Variants in PTGER1 observed in about 807,000 individuals in gnomAD.
PTGER1 encodes prostaglandin E2 receptor EP1 subtype.
PTGER1 carries 15 observed loss-of-function variants against 18.5 expected under a neutral mutation model. The ratio of observed to expected loss-of-function variants is 0.81; its 90% CI spans 0.54 to 1.25. The LOEUF is 1.25. Among genes scored for constraint, PTGER1 ranks in the 50% most tolerant of loss-of-function variants. The pLI is 0.00. For missense variants in PTGER1, 567 were observed against 603.4 expected (o/e 0.94, Z 0.63); for synonymous variants, 339 against 308.4 (o/e 1.10, Z -1.04).
rs373218662 is a variant in PTGER1 at position 14,472,611 on chromosome 19, C to G, written c.1158G>C (p.Trp386Cys). The G allele has an allele frequency of 8.7e-6, 14 of 1,601,690 alleles. No individual in the cohort carries two copies. Among genetic ancestry groups the G allele is most frequent in the South Asian group, 2.2e-5 (2 of 90,374 alleles). The change falls in exon 3 of 3, where the codon TGG becomes TGC. Residue 386 changes from tryptophan to cysteine, a missense_variant. Physicochemically the swap from Trp to Cys is radical, Grantham distance 215. Coordinates refer to ENST00000292513, the MANE Select transcript of PTGER1 (RefSeq NM_000955.3). ...PAGLGLTPSA[W>C]EASSLRSSRH... is the part of the protein sequence containing the mutation. ...GGGAGCTGCGCAGCGAGCTGGCCTC[C>G]CAGGCGCTCGGTGTTAGGCCCAGCC...
At position 14,474,275 on chromosome 19, in the gene PTGER1, T is replaced by C. The variant is rs1269537259; in HGVS notation, c.46A>G (p.Thr16Ala). The change falls in exon 2 of 3, where the codon ACC (threonine) becomes GCC (alanine). Residue 16 changes from threonine to alanine, a missense_variant. Physicochemically the swap from Thr to Ala is moderately conservative, Grantham distance 58 (BLOSUM62 0). Transcript: ENST00000292513. The surrounding 1 kb of genome is among the most constrained non-coding windows in gnomAD (Gnocchi z 5.4). ...GGGACCCAGGGCGCCGCGCATGTGG[T>C]CGCCTCGCCCGCCAGGCTCAGGTTG... ...PLNLSLAGEA[T>A]TCAAPWVPNT... The C allele has an allele frequency of 2.8e-5, 43 of 1,530,928 alleles. No homozygotes were observed. In the East Asian group the frequency reaches 1.0e-3, roughly 37 times the overall value. The allele number at this position is 1,530,928 out of a possible 1,614,324, so 94.8% of individuals were successfully genotyped here.
In PTGER1 at chr19:14,474,116, AGCG is replaced by A; in HGVS notation, c.202_204del (p.Arg68del). On this transcript the variant is annotated inframe_deletion, in exon 2 of 3. Transcript: ENST00000292513. This position sits in a 1 kb window ranked among gnomAD's most constrained non-coding sequence, Gnocchi z 5.4. ...ACGAACAGCAGGAAGGTGGCGGCCG[AGCG>A]GCGGCGTCGCAGGCGGCCCGCGGCC... 1 of 1,437,598 alleles carries A rather than the reference AGCG, an allele frequency of 7.0e-7. No homozygotes were observed. Among genetic ancestry groups the A allele is most frequent in the South Asian group, 1.4e-5 (1 of 73,474 alleles). The allele number at this position is 1,437,598 out of a possible 1,614,324, so 89.1% of individuals were successfully genotyped here. A position where few individuals can be genotyped will look rare whatever the true frequency, so the allele number is the denominator to read the frequency against.
At chr19:14,472,895 G>T in intron 2 of PTGER1, 69 bp from the exon 3 acceptor site, 1 of 1,446,694 alleles carries the variant, frequency 6.9e-7, no homozygotes, top group Non-Finnish European at 9.2e-7. Flanking sequence ...TGGTGGGGGC[G>T]TGGCTGGAAG....
Position 14,474,760 on chromosome 19 carries a change from C to A in PTGER1, c.-17-423G>T, listed in dbSNP as rs191001718. On this transcript the variant is annotated intron_variant, in intron 1 of 2. Transcript: ENST00000292513. This position sits in a 1 kb window ranked among gnomAD's most constrained non-coding sequence, Gnocchi z 5.4. ...CACTGTGGCCCTACCTGACTTTCCC[C>A]ATGTCAGCTTTACTCCAGTCCCATC... 3.2e-4 allele frequency among the ~76,000 whole-genome samples: 49 copies of A among 152,280 alleles called. No homozygotes were observed. Among genetic ancestry groups the A allele is most frequent in the South Asian group, 2.3e-3 (11 of 4,828 alleles).
Position 14,474,252 on chromosome 19 carries a change from G to C in PTGER1, c.69C>G (p.Val23=). ...GEATTCAAPW[V]PNTSAVPPSG... is the part of the protein sequence containing the mutation. Reference sequence around the variant, plus strand: ...ACGGCGGCACGGCCGACGTGTTGGGGACCCAGGGCGCCGCGCATGTGGTCG... The same window carrying C: ...ACGGCGGCACGGCCGACGTGTTGGGCACCCAGGGCGCCGCGCATGTGGTCG... Residue 23 remains valine (V), a synonymous_variant, in exon 2 of 3, where the codon GTC becomes GTG. Coordinates refer to ENST00000292513, the MANE Select transcript of PTGER1 (RefSeq NM_000955.3). This position sits in a 1 kb window ranked among gnomAD's most constrained non-coding sequence, Gnocchi z 5.4. The C allele has an allele frequency of 6.5e-7, 1 of 1,530,486 alleles. No individual in the cohort carries two copies. Among genetic ancestry groups the C allele is most frequent in the Non-Finnish European group, 8.7e-7 (1 of 1,144,622 alleles). The allele number at this position is 1,530,486 out of a possible 1,614,324, so 94.8% of individuals were successfully genotyped here.
chr19:14,474,092 C>T lies in PTGER1; in HGVS notation c.229G>A (p.Val77Met). Reference sequence around the variant, plus strand: ...AGGTCGGTGGCCAGCAGGCTGGCCACGAACAGCAGGAAGGTGGCGGCCGAG... The same window carrying T: ...AGGTCGGTGGCCAGCAGGCTGGCCATGAACAGCAGGAAGGTGGCGGCCGAG... ...RRSAATFLLF[V>M]ASLLATDLAG... Residue 77 changes from valine (V) to methionine (M), a missense_variant, in exon 2 of 3, where the codon GTG (valine) becomes ATG (methionine). Transcript: ENST00000292513. The surrounding 1 kb of genome is among the most constrained non-coding windows in gnomAD (Gnocchi z 5.4). The T allele has an allele frequency of 6.7e-7, 1 of 1,486,886 alleles. No individual in the cohort carries two copies. Among genetic ancestry groups the T allele is most frequent in the Non-Finnish European group, 8.9e-7 (1 of 1,124,318 alleles). 92.1% of individuals were successfully genotyped at this position (1,486,886 alleles called of 1,614,324 possible). A position where few individuals can be genotyped will look rare whatever the true frequency, so the allele number is the denominator to read the frequency against.
rs2071574771 is a variant in PTGER1, at chr19:14,472,509, C to T, written c.*51G>A. The T allele has an allele frequency of 6.7e-7, 1 of 1,491,678 alleles. No individual in the cohort carries two copies. Among genetic ancestry groups the T allele is most frequent in the African/African-American group, 1.4e-5 (1 of 70,946 alleles). The allele number at this position is 1,491,678 out of a possible 1,614,324, so 92.4% of individuals were successfully genotyped here. A position where few individuals can be genotyped will look rare whatever the true frequency, so the allele number is the denominator to read the frequency against. On this transcript the variant is annotated 3_prime_UTR_variant, in exon 3 of 3. Transcript: ENST00000292513. The stretch of plus-strand genomic sequence containing the variant: ...TTCCCAAAGGCTCTGCGCCGCGCAC[C>T]TGGGCCCAGCCCAGGGTGGGCTGGC...
Position 14,472,660 on chromosome 19 carries a change from G to T in PTGER1, c.1109C>A (p.Ala370Asp). The T allele has an allele frequency of 6.2e-7, 1 of 1,609,664 alleles. No homozygotes were observed. ...CCCCGCGGGGCCGCCCTTGGCTCCG[G>T]CCCTCGGGGGCAAGAGGCGAAGCAG... ...RQLLRLLPPR[A>D]GAKGGPAGLG... Residue 370 changes from alanine (A) to aspartate (D), a missense_variant, in exon 3 of 3, where the codon GCC becomes GAC. Physicochemically the swap from Ala to Asp is moderately radical, Grantham distance 126. Coordinates refer to ENST00000292513, the MANE Select transcript of PTGER1 (RefSeq NM_000955.3).
chr19:14,474,273 G>T lies in PTGER1; in HGVS notation c.48C>A (p.Thr16=). Residue 16 remains threonine, a synonymous_variant, in exon 2 of 3, where the codon ACC becomes ACA. Coordinates refer to ENST00000292513, the MANE Select transcript of PTGER1 (RefSeq NM_000955.3). This position sits in a 1 kb window ranked among gnomAD's most constrained non-coding sequence, Gnocchi z 5.4. ...TGGGGACCCAGGGCGCCGCGCATGTGGTCGCCTCGCCCGCCAGGCTCAGGT... is the reference window on the plus strand; with the variant it reads ...TGGGGACCCAGGGCGCCGCGCATGTTGTCGCCTCGCCCGCCAGGCTCAGGT... ...PLNLSLAGEA[T]TCAAPWVPNT... 6.5e-7 allele frequency: 1 copy of T among 1,531,322 alleles called. No individual in the cohort carries two copies. The highest frequency in any genetic ancestry group is 1.2e-5 in the South Asian group (1 of 83,864). 94.9% of individuals were successfully genotyped at this position (1,531,322 alleles called of 1,614,324 possible).
rs766389049 is a variant in PTGER1 at position 14,474,825 on chromosome 19, C to G, written c.-18+437G>C. Among the ~76,000 whole-genome samples, 13 of 152,184 alleles carry G rather than the reference C, an allele frequency of 8.5e-5. No homozygotes were observed. The highest frequency in any genetic ancestry group is 1.9e-4 in the Non-Finnish European group (13 of 68,016). The stretch of plus-strand genomic sequence containing the variant: ...CCCATCTCTACCACCACGGGCACAT[C>G]TCTCCCCACGGCCATGTCCCTGTCC... On this transcript the variant is annotated intron_variant, in intron 1 of 2. Transcript: ENST00000292513. The surrounding 1 kb of genome is among the most constrained non-coding windows in gnomAD (Gnocchi z 5.4).
chr19:14,473,387 G>T lies in PTGER1; in HGVS notation c.934C>A (p.Pro312Thr). 3 of 1,586,602 alleles carry T rather than the reference G, an allele frequency of 1.9e-6. No individual in the cohort carries two copies. The highest frequency in any genetic ancestry group is 2.6e-6 in the Non-Finnish European group (3 of 1,170,498). ...GCCGGTGCGCCCCTCACCAGCATTGGGCTCCAGCAGATGCACGACACCACC... is the reference window on the plus strand; with the variant it reads ...GCCGGTGCGCCCCTCACCAGCATTGTGCTCCAGCAGATGCACGACACCACC... ...IMVVSCICWS[P>T]MLVLVALAVG... Residue 312 changes from proline (P) to threonine (T), a missense_variant, in exon 2 of 3, where the codon CCA (proline) becomes ACA (threonine). Coordinates refer to ENST00000292513, the MANE Select transcript of PTGER1 (RefSeq NM_000955.3). This position sits in a 1 kb window ranked among gnomAD's most constrained non-coding sequence, Gnocchi z 7.1.
Position 14,473,566 on chromosome 19 carries a change from C to G in PTGER1, c.755G>C (p.Arg252Pro). 2 of 1,509,810 alleles carry G rather than the reference C, an allele frequency of 1.3e-6. No individual in the cohort carries two copies. The highest frequency in any genetic ancestry group is 8.8e-7 in the Non-Finnish European group (1 of 1,135,890). 93.5% of individuals were successfully genotyped at this position (1,509,810 alleles called of 1,614,324 possible). The change falls in exon 2 of 3, where the codon CGC becomes CCC. Residue 252 changes from arginine (R) to proline (P), a missense_variant. Coordinates refer to ENST00000292513, the MANE Select transcript of PTGER1 (RefSeq NM_000955.3). The surrounding 1 kb of genome is among the most constrained non-coding windows in gnomAD (Gnocchi z 7.1). ...CGAGCGGGGTCCGTGCGCCCCCCAG[C>G]GACGCCGGCTGTCGGGGCCTGAGGC... ...PPASGPDSRR[R>P]WGAHGPRSAS...
chr19:14,473,306 G>A lies in PTGER1; in HGVS notation c.942+73C>T. On this transcript the variant is annotated intron_variant, in intron 2 of 2. Coordinates refer to ENST00000292513, the MANE Select transcript of PTGER1 (RefSeq NM_000955.3). The surrounding 1 kb of genome is among the most constrained non-coding windows in gnomAD (Gnocchi z 7.1). ...AGGATGGAGGCCCCAGGTGTCCTGGGACGACAAAGGGCGGGAGGGTGCCGA... is the reference window on the plus strand; with the variant it reads ...AGGATGGAGGCCCCAGGTGTCCTGGAACGACAAAGGGCGGGAGGGTGCCGA... 1 of 1,531,410 alleles carries A rather than the reference G, an allele frequency of 6.5e-7. No individual in the cohort carries two copies. Among genetic ancestry groups the A allele is most frequent in the Non-Finnish European group, 8.7e-7 (1 of 1,143,984 alleles). 94.9% of individuals were successfully genotyped at this position (1,531,410 alleles called of 1,614,324 possible). A position where few individuals can be genotyped will look rare whatever the true frequency, so the allele number is the denominator to read the frequency against.
chr19:14,474,019 G>A lies in PTGER1; in HGVS notation c.302C>T (p.Ala101Val). 2 of 1,501,004 alleles carry A rather than the reference G, an allele frequency of 1.3e-6. No individual in the cohort carries two copies. The highest frequency in any genetic ancestry group is 8.9e-7 in the Non-Finnish European group (1 of 1,129,812). The allele number at this position is 1,501,004 out of a possible 1,614,324, so 93.0% of individuals were successfully genotyped here. Residue 101 changes from alanine (A) to valine (V), a missense_variant, in exon 2 of 3, where the codon GCG (alanine) becomes GTG (valine). Transcript: ENST00000292513. This position sits in a 1 kb window ranked among gnomAD's most constrained non-coding sequence, Gnocchi z 5.4. The stretch of plus-strand genomic sequence containing the variant: ...GGCCCCGCCGGCCGGAGCGCGCCCC[G>A]CAGTGTACAGACGCAGCACCAGCGC... ...PGALVLRLYT[A>V]GRAPAGGACH... is the part of the protein sequence containing the mutation.
chr19:14,473,503 G>C lies in PTGER1; in HGVS notation c.818C>G (p.Ser273Cys). The C allele has an allele frequency of 1.3e-6, 2 of 1,580,814 alleles. No homozygotes were observed. Among genetic ancestry groups the C allele is most frequent in the African/African-American group, 1.3e-5 (1 of 74,298 alleles). ...ASSASSIASASTFFGGSRSSG... is the reference protein window; with the variant it reads ...ASSASSIASACTFFGGSRSSG... ...GCTCCGAGAGCCGCCAAAGAAGGTG[G>C]AGGCCGAAGCGATGGACGAGGCGGA... is the stretch of plus-strand genomic sequence containing the variant. The change falls in exon 2 of 3, where the codon TCC (serine) becomes TGC (cysteine). Residue 273 changes from serine to cysteine, a missense_variant. Coordinates refer to ENST00000292513, the MANE Select transcript of PTGER1 (RefSeq NM_000955.3). This position sits in a 1 kb window ranked among gnomAD's most constrained non-coding sequence, Gnocchi z 7.1.
At position 14,473,726 on chromosome 19, in the gene PTGER1, G is replaced by A; in HGVS notation, c.595C>T (p.Arg199Cys). ...FIGLGPPGGW[R>C]QALLAGLFAS... The stretch of plus-strand genomic sequence containing the variant: ...AAGAGGCCAGCAAGCAGTGCCTGGC[G>A]CCAGCCGCCCGGGGGACCCAGGCCG... The change falls in exon 2 of 3, where the codon CGC becomes TGC. Residue 199 changes from arginine (R) to cysteine (C), a missense_variant. By Grantham distance (180) the Arg-to-Cys change is radical (BLOSUM62 -3). Transcript: ENST00000292513. The surrounding 1 kb of genome is among the most constrained non-coding windows in gnomAD (Gnocchi z 7.1). The A allele has an allele frequency of 2.1e-6, 3 of 1,462,954 alleles. No homozygotes were observed. The highest frequency in any genetic ancestry group is 2.7e-6 in the Non-Finnish European group (3 of 1,113,048). 90.6% of individuals were successfully genotyped at this position (1,462,954 alleles called of 1,614,324 possible).
Position 14,473,316 on chromosome 19 carries a change from G to A in PTGER1, c.942+63C>T. 2.0e-6 allele frequency: 3 copies of A among 1,537,180 alleles called. No individual in the cohort carries two copies. The highest frequency in any genetic ancestry group is 2.4e-5 in the South Asian group (2 of 83,910). Reference sequence around the variant, plus strand: ...CCCCAGGTGTCCTGGGACGACAAAGGGCGGGAGGGTGCCGAGAGGGAGCGG... The same window carrying A: ...CCCCAGGTGTCCTGGGACGACAAAGAGCGGGAGGGTGCCGAGAGGGAGCGG... On this transcript the variant is annotated intron_variant, in intron 2 of 2. Coordinates refer to ENST00000292513, the MANE Select transcript of PTGER1 (RefSeq NM_000955.3). This position sits in a 1 kb window ranked among gnomAD's most constrained non-coding sequence, Gnocchi z 7.1.
In PTGER1 at chr19:14,474,443, T is replaced by A; in HGVS notation, c.-17-106A>T. On this transcript the variant is annotated intron_variant, in intron 1 of 2. Coordinates refer to ENST00000292513, the MANE Select transcript of PTGER1 (RefSeq NM_000955.3). The surrounding 1 kb of genome is among the most constrained non-coding windows in gnomAD (Gnocchi z 5.4). ...GGGCCTGTTTGACTCCATGGCGTTC[T>A]CAGGCGGCCCCTCTGCCCATGGCAG... The A allele has an allele frequency of 7.9e-7, 1 of 1,271,026 alleles. No individual in the cohort carries two copies. Among genetic ancestry groups the A allele is most frequent in the Non-Finnish European group, 1.0e-6 (1 of 977,690 alleles). 78.7% of individuals were successfully genotyped at this position (1,271,026 alleles called of 1,614,324 possible).
Position 14,474,357 on chromosome 19 carries a change from G to A in PTGER1, c.-17-20C>T. The A allele has an allele frequency of 2.0e-6, 3 of 1,466,234 alleles. No homozygotes were observed. The highest frequency in any genetic ancestry group is 2.6e-5 in the Admixed American group (1 of 38,650). The allele number at this position is 1,466,234 out of a possible 1,614,324, so 90.8% of individuals were successfully genotyped here. On this transcript the variant is annotated intron_variant, in intron 1 of 2. Coordinates refer to ENST00000292513, the MANE Select transcript of PTGER1 (RefSeq NM_000955.3). The surrounding 1 kb of genome is among the most constrained non-coding windows in gnomAD (Gnocchi z 5.4). The stretch of plus-strand genomic sequence containing the variant: ...GGGGTGCTGGATAGAGGAGAGGAGG[G>A]CAGAGTGAGGCTGGCTGGGCCCGGG...
Sources: allele counts gnomAD v4.1 joint callset (sites outside exome capture counted in the v4.1 genomes callset), GRCh38; gene constraint gnomAD v4.1.1; non-coding constraint Gnocchi (gnomAD v3.1); transcripts MANE v1.5; gene names NCBI Gene and HGNC (gene_info 2026-07-23, HGNC 2026-07-21).